Variants in OCA2 observed in about 807,000 individuals in gnomAD.
OCA2 encodes P protein.
A neutral mutation model predicts 100.2 loss-of-function variants in OCA2; 77 were observed. The ratio of observed to expected loss-of-function variants is 0.77; its 90% confidence interval spans 0.64 to 0.93. OCA2 has a LOEUF of 0.93. OCA2 is among the 40% of genes least tolerant of loss of function. OCA2 has a pLI of 0.00. For missense variants in OCA2, 1,062 were observed against 1,089.1 expected (o/e 0.98, Z 0.35); for synonymous variants, 432 against 439.2 (o/e 0.98, Z 0.21).
chr15:28,065,560 T>A (rs1165418926), intron 2 of OCA2, among the ~76,000 whole-genome samples: 1 of 152,142 alleles, frequency 6.6e-6, no homozygotes, highest in Non-Finnish European at 1.5e-5. Flanking sequence ...TTTCCACAAC[T>A]CTTAGTGCTG....
intron 23 of OCA2, among the ~76,000 whole-genome samples, chr15:27,770,915 C>CTCCCTCCCTCTTTTTTTTTCTTTCCT (rs150161791): frequency 9.0e-6 from 1 of 111,390 alleles, no homozygotes; most frequent in Non-Finnish European, 1.8e-5. Context: ...TCCTTCCCTC[C>CTCCCTCCCTCTTTTTTTTTCTTTCCT]TCCCTCCCTC....
intron 21 of OCA2, among the ~76,000 whole-genome samples, chr15:27,870,810 A>G (rs72710561): frequency 0.026 from 2,254 of 88,088 alleles, 51 homozygotes; most frequent in African/African-American, 0.055. Flanking sequence ...GAAAGAAAGA[A>G]AGAGAGAGAG....
At chr15:28,070,446 G>A (rs1472882013) in intron 2 of OCA2, among the ~76,000 whole-genome samples, 3 of 123,706 alleles carry the variant, frequency 2.4e-5, no homozygotes, top group Admixed American at 7.4e-5. Context: ...AGATGGGGGG[G>A]TCAGCCCCCC....
intron 21 of OCA2, among the ~76,000 whole-genome samples, chr15:27,855,844 C>A (rs1437657632): frequency 6.6e-6 from 1 of 152,150 alleles, no homozygotes; most frequent in Non-Finnish European, 1.5e-5. Context: ...GCAGGAAGCT[C>A]CAGGAATCTA....
intron 23 of OCA2, among the ~76,000 whole-genome samples, chr15:27,785,505 G>A (rs147832530): frequency 2.4e-4 from 37 of 152,270 alleles, no homozygotes; most frequent in African/African-American, 8.9e-4. Context: ...AATCATTAGG[G>A]AAATTCAAAT....
At chr15:27,998,003 G>T in intron 9 of OCA2, among the ~76,000 whole-genome samples, 1 of 137,660 alleles carries the variant, frequency 7.3e-6, no homozygotes. Context: ...GTATAAGAAT[G>T]CTTGTGATTT....
the OCA2 span, among the ~76,000 whole-genome samples, chr15:27,722,802 T>TCTCTC: frequency 1.0e-4 from 4 of 39,500 alleles, no homozygotes; most frequent in African/African-American, 3.3e-4. Flanking sequence ...CTCTCTCTCT[T>TCTCTC]TCTCTCTCTC....
intron 18 of OCA2, among the ~76,000 whole-genome samples, chr15:27,933,027 C>T (rs1007755385): frequency 4.0e-5 from 6 of 151,462 alleles, no homozygotes; most frequent in South Asian, 2.1e-4. Context: ...GAAATAAACA[C>T]GTATGCTTAT....
At chr15:27,955,809 G>A (rs2040205119) in intron 16 of OCA2, among the ~76,000 whole-genome samples, 17 of 152,014 alleles carry the variant, frequency 1.1e-4, no homozygotes. Flanking sequence ...CTGCCGGGGT[G>A]GTCTCCTCCC....
intron 23 of OCA2, among the ~76,000 whole-genome samples, chr15:27,757,370 T>C (rs961360719): frequency 6.6e-6 from 1 of 152,258 alleles, no homozygotes; most frequent in Non-Finnish European, 1.5e-5. Context: ...AGACTAGACG[T>C]TGACATTATC....
intron 21 of OCA2, among the ~76,000 whole-genome samples, chr15:27,864,285 C>T (rs1335083384): frequency 6.6e-6 from 1 of 152,176 alleles, no homozygotes; most frequent in East Asian, 1.9e-4. Context: ...AGATCCACCT[C>T]CTGCAGAACC....
Position 28,093,047 on chromosome 15 carries a change from G to A in OCA2, c.-22+6177C>T, listed in dbSNP as rs202211723. The stretch of plus-strand genomic sequence containing the variant: ...ATTTCACTAAGGAGGATATGCACAC[G>A]GCAACTAAGCACGTGAGAAGACATT... On this transcript the variant is annotated intron_variant, in intron 1 of 23. Transcript: ENST00000354638. 1.5e-4 allele frequency among the ~76,000 whole-genome samples: 23 copies of A among 152,046 alleles called. No homozygotes were observed. In the East Asian group the frequency reaches 3.5e-3, roughly 23 times the overall value.
At chr15:28,037,384 C>A (rs150586667) in intron 2 of OCA2, among the ~76,000 whole-genome samples, 3 of 152,194 alleles carry the variant, frequency 2.0e-5, no homozygotes, top group East Asian at 1.9e-4. Flanking sequence ...AGCAATGAGG[C>A]CTTCTCTGTA....
At chr15:28,022,649 C>G in intron 5 of OCA2, 76 bp from the exon 6 acceptor site, 3 of 1,099,510 alleles carry the variant, frequency 2.7e-6, no homozygotes, top group East Asian at 4.7e-5. Context: ...TGATAACAGT[C>G]GAAAACAGAT....
At chr15:27,801,467 G>A (rs533979533) in intron 23 of OCA2, among the ~76,000 whole-genome samples, 29 of 144,632 alleles carry the variant, frequency 2.0e-4, no homozygotes, top group African/African-American at 5.5e-4. Context: ...CAGGAGATTC[G>A]CTTGAAGCCA....
At chr15:28,058,476 C>G (rs16950843) in intron 2 of OCA2, among the ~76,000 whole-genome samples, 1 of 152,116 alleles carries the variant, frequency 6.6e-6, no homozygotes, top group Non-Finnish European at 1.5e-5. Flanking sequence ...GCCCAGGGCA[C>G]GCTGGCCACC....
the OCA2 span, among the ~76,000 whole-genome samples, chr15:27,722,676 C>CT: frequency 0.021 from 2,765 of 131,706 alleles, 67 homozygotes; most frequent in African/African-American, 0.075. Context: ...CCTTTCTTTT[C>CT]TTTCTTTCTT....
chr15:28,070,860 T>C (rs932951776), intron 2 of OCA2, among the ~76,000 whole-genome samples: 10 of 142,090 alleles, frequency 7.0e-5, no homozygotes, highest in African/African-American at 2.7e-4. Flanking sequence ...TCTGTGACCT[T>C]ACCCCCAACC....
At chr15:27,950,698 A>G (rs541076152) in intron 18 of OCA2, 5 of 307,634 alleles carry the variant, frequency 1.6e-5, no homozygotes, top group African/African-American at 4.4e-5. Context: ...GCTTTTTTAC[A>G]TAAGAGAAAA....
Sources: allele counts gnomAD v4.1 joint callset (sites outside exome capture counted in the v4.1 genomes callset), GRCh38; gene constraint gnomAD v4.1.1; transcripts MANE v1.5; gene names NCBI Gene and HGNC (gene_info 2026-07-23, HGNC 2026-07-21).